Variants in CCDC171 observed in about 807,000 individuals in gnomAD.
CCDC171 encodes the protein coiled-coil domain-containing protein 171.
Under a neutral mutation model 168.2 loss-of-function variants are expected in CCDC171, and 177 were observed. The observed-to-expected ratio is 1.05, with a 90% CI of 0.93 to 1.19. The LOEUF (loss-of-function observed/expected upper bound fraction) is 1.19, where lower values mean the gene tolerates loss of function less well. Among genes scored for constraint, CCDC171 ranks in the 50% most tolerant of loss-of-function variants. CCDC171 has a pLI of 0.00. For missense variants in CCDC171, 1,991 were observed against 1,539.0 expected (o/e 1.29, Z -4.91); for synonymous variants, 687 against 540.8 (o/e 1.27, Z -3.75).
At chr9:15,908,250 T>C (rs1247467935) in intron 24 of CCDC171, among the ~76,000 whole-genome samples, 2 of 152,158 alleles carry the variant, frequency 1.3e-5, no homozygotes, top group African/African-American at 4.8e-5. Flanking sequence ...GACTTGGAAC[T>C]AACCCAAATG....
rs190711964 is a variant in CCDC171 at position 15,942,642 on chromosome 9, G to A, written c.3753+22220G>A. ...AGCGCTGAAAAATAATGCAAAGAAT[G>A]GAAGAAATATTCTTTTAAGTTCTAA... On this transcript the variant is annotated intron_variant, in intron 25 of 25. Transcript: ENST00000380701. Among the ~76,000 whole-genome samples, 407 of 151,954 alleles carry A rather than the reference G, an allele frequency of 2.7e-3. 1 individual carries two copies. Among genetic ancestry groups the A allele is most frequent in the African/African-American group, 9.6e-3 (398 of 41,500 alleles).
intron 1 of CCDC171, among the ~76,000 whole-genome samples, chr9:16,049,563 G>A (rs896062143): frequency 4.6e-5 from 7 of 152,080 alleles, no homozygotes; most frequent in African/African-American, 1.7e-4. Flanking sequence ...AGAACTTCAG[G>A]GTAGCCGGTC....
chr9:15,769,488 A>G (rs1259666492), intron 18 of CCDC171, among the ~76,000 whole-genome samples: 1 of 152,240 alleles, frequency 6.6e-6, no homozygotes, highest in Non-Finnish European at 1.5e-5. Flanking sequence ...CAGAATTTTG[A>G]CAGTTCCTTC....
rs3082839 is a variant in CCDC171 at position 15,793,551 on chromosome 9, G to GTTTTTTTTT, written c.3267+8878_3267+8886dup. Among the ~76,000 whole-genome samples the GTTTTTTTTT allele has an allele frequency of 1.2e-4, 9 of 77,058 alleles. 1 individual carries two copies. Among genetic ancestry groups the GTTTTTTTTT allele is most frequent in the African/African-American group, 3.2e-4 (5 of 15,524 alleles). The allele number at this position is 77,058 out of a possible 152,430, so 50.6% of individuals were successfully genotyped here. A position where few individuals can be genotyped will look rare whatever the true frequency, so the allele number is the denominator to read the frequency against. On this transcript the variant is annotated intron_variant, in intron 21 of 25. Coordinates refer to ENST00000380701, the MANE Select transcript of CCDC171 (RefSeq NM_173550.4). ...AGCACCACATCGCACTTATTCCAAGGTTTTTTTTTTTTTTTTTTTTTTTTT... is the reference window on the plus strand; with the variant it reads ...AGCACCACATCGCACTTATTCCAAGGTTTTTTTTTTTTTTTTTTTTTTTTTTTTTTTTTT...
intron 16 of CCDC171, among the ~76,000 whole-genome samples, chr9:15,735,066 A>G (rs1252113731): frequency 6.6e-6 from 1 of 152,216 alleles, no homozygotes; most frequent in Admixed American, 6.5e-5. Flanking sequence ...AGATGTTAGA[A>G]AAGTAGTGTT....
chr9:15,668,638 C>T (rs1293163137), intron 9 of CCDC171, among the ~76,000 whole-genome samples: 2 of 152,046 alleles, frequency 1.3e-5, no homozygotes, highest in South Asian at 4.1e-4. Flanking sequence ...CCTTTTCCAT[C>T]CCATCTTCCT....
At chr9:16,000,912 G>A (rs1029237599) in intron 3 of CCDC171, among the ~76,000 whole-genome samples, 11 of 152,118 alleles carry the variant, frequency 7.2e-5, no homozygotes, top group Admixed American at 2.0e-4. Flanking sequence ...CTTTGATGGG[G>A]GAGGAGGATG....
chr9:15,860,880 T>G (rs2061527519), intron 23 of CCDC171, among the ~76,000 whole-genome samples: 1 of 151,500 alleles, frequency 6.6e-6, no homozygotes, highest in African/African-American at 2.4e-5. Context: ...GCTGTCTATA[T>G]TCCCTTCAGT....
At chr9:15,620,621 T>C (rs1370700087) in intron 6 of CCDC171, among the ~76,000 whole-genome samples, 2 of 152,238 alleles carry the variant, frequency 1.3e-5, no homozygotes, top group African/African-American at 2.4e-5. Context: ...TGAACATTAC[T>C]GAAATGACAG....
At chr9:16,010,815 A>G (rs1832849552) in intron 3 of CCDC171, among the ~76,000 whole-genome samples, 1 of 151,964 alleles carries the variant, frequency 6.6e-6, no homozygotes, top group Admixed American at 6.6e-5. Context: ...AACCAGTGGT[A>G]TAACATGGCA....
chr9:15,921,218 A>G (rs894407636), intron 25 of CCDC171, among the ~76,000 whole-genome samples: 3 of 151,686 alleles, frequency 2.0e-5, no homozygotes, highest in African/African-American at 7.3e-5. Flanking sequence ...CATTCAACAG[A>G]AAAAGAGTTA....
chr9:15,988,226 A>C (rs1391030019), intron 3 of CCDC171, among the ~76,000 whole-genome samples: 2 of 152,206 alleles, frequency 1.3e-5, no homozygotes, highest in Non-Finnish European at 2.9e-5. Context: ...CCACCTATGA[A>C]GCTATGATGC....
chr9:15,731,969 C>G (rs1296131452), intron 16 of CCDC171, among the ~76,000 whole-genome samples: 2 of 151,966 alleles, frequency 1.3e-5, no homozygotes, highest in Non-Finnish European at 2.9e-5. Flanking sequence ...CTTTCATATA[C>G]TTATTGGCTA....
intron 25 of CCDC171, among the ~76,000 whole-genome samples, chr9:15,968,253 T>C (rs529712530): frequency 2.0e-5 from 3 of 152,300 alleles, no homozygotes; most frequent in South Asian, 4.1e-4. Flanking sequence ...AAATTTAGAT[T>C]TACATAAGAG....
At chr9:16,059,453 G>A (rs1032148417) in intron 1 of CCDC171, among the ~76,000 whole-genome samples, 1 of 151,864 alleles carries the variant, frequency 6.6e-6, no homozygotes, top group Non-Finnish European at 1.5e-5. Context: ...GGCTTTCCAG[G>A]GGACACTGGG....
At chr9:15,662,693 C>A (rs181739194) in intron 8 of CCDC171, among the ~76,000 whole-genome samples, 1 of 152,046 alleles carries the variant, frequency 6.6e-6, no homozygotes, top group Non-Finnish European at 1.5e-5. Context: ...TAAACATTGC[C>A]AGTTGGACAC....
intron 18 of CCDC171, among the ~76,000 whole-genome samples, chr9:15,760,603 T>C (rs1021168124): frequency 6.6e-6 from 1 of 152,244 alleles, no homozygotes; most frequent in Non-Finnish European, 1.5e-5. Flanking sequence ...CTAGTGTTTG[T>C]AAATGTCCTG....
At chr9:15,643,736 T>C (rs1031270223) in intron 7 of CCDC171, among the ~76,000 whole-genome samples, 2 of 152,224 alleles carry the variant, frequency 1.3e-5, no homozygotes, top group Non-Finnish European at 2.9e-5. Flanking sequence ...GTTCTCTCCT[T>C]CTTCCCTATC....
intron 21 of CCDC171, among the ~76,000 whole-genome samples, chr9:15,840,947 TA>T (rs2060653925): frequency 6.6e-6 from 1 of 152,120 alleles, no homozygotes. Flanking sequence ...CATTATATTT[TA>T]TTATTGATCA....
Sources: allele counts gnomAD v4.1 joint callset (sites outside exome capture counted in the v4.1 genomes callset), GRCh38; gene constraint gnomAD v4.1.1; transcripts MANE v1.5; gene names NCBI Gene and HGNC (gene_info 2026-07-23, HGNC 2026-07-21).